SLC7A14: variants seen among roughly 807,000 people sequenced by gnomAD.
The protein encoded by SLC7A14 is gamma-aminobutyric acid transporter SLC7A14.
SLC7A14 carries 37 observed loss-of-function variants against 60.2 expected under a neutral mutation model. The observed-to-expected ratio is 0.61, with a 90% CI of 0.47 to 0.81. The LOEUF (loss-of-function observed/expected upper bound fraction) is 0.81, where lower values mean the gene tolerates loss of function less well. SLC7A14 is among the 30% of genes least tolerant of loss of function. The pLI, the probability that SLC7A14 is intolerant of heterozygous loss-of-function variation, is 0.00. For missense variants in SLC7A14, 886 were observed against 982.7 expected, an observed-to-expected ratio of 0.90 and a Z score of 1.32; for synonymous variants, 399 against 395.8, an observed-to-expected ratio of 1.01 and a Z score of -0.10.
At chr3:170,515,638 A>C (rs1037676688) in intron 2 of SLC7A14, among the ~76,000 whole-genome samples, 2 of 148,946 alleles carry the variant, frequency 1.3e-5, no homozygotes, top group Non-Finnish European at 3.0e-5. Flanking sequence ...GTGGGGGGGG[A>C]GTTGAGACAA....
intron 1 of SLC7A14, among the ~76,000 whole-genome samples, chr3:170,530,153 T>C (rs1488438869): frequency 1.3e-5 from 2 of 152,186 alleles, no homozygotes; most frequent in African/African-American, 2.4e-5. Flanking sequence ...CCTAGCAAAC[T>C]AGTACAGGCT....
intron 2 of SLC7A14, among the ~76,000 whole-genome samples, chr3:170,515,095 C>T (rs926068376): frequency 9.9e-5 from 15 of 152,032 alleles, no homozygotes; most frequent in African/African-American, 3.6e-4. Context: ...GGTGGATCAC[C>T]TGAGGTCAGG....
rs750535727 is a variant in SLC7A14, at chr3:170,481,106, C to A, written c.1176G>T (p.Gly392=). 8 of 1,613,978 alleles carry A rather than the reference C, an allele frequency of 5.0e-6. No individual in the cohort carries two copies. In the East Asian group the frequency reaches 1.8e-4, roughly 36 times the overall value. ...ETPVVACIVS[G]FLAALLALLV... ...ACAGTGCGAGGAGCGCTGCCAGGAA[C>A]CCCGACACGATGCAGGCCACCACTG... The change falls in exon 7 of 8, where the codon GGG becomes GGT. Residue 392 remains glycine, a synonymous_variant. Transcript: ENST00000231706.
At chr3:170,578,513 A>G (rs1488028925) in intron 1 of SLC7A14, among the ~76,000 whole-genome samples, 1 of 152,178 alleles carries the variant, frequency 6.6e-6, no homozygotes, top group Non-Finnish European at 1.5e-5. Context: ...GGTAGCACAA[A>G]CTTGTTACCT....
intron 1 of SLC7A14, among the ~76,000 whole-genome samples, chr3:170,541,612 G>T (rs1158221561): frequency 1.3e-5 from 2 of 152,064 alleles, no homozygotes; most frequent in Non-Finnish European, 2.9e-5. Context: ...AAGGTAATGT[G>T]TAATTACATG....
At chr3:170,528,848 G>T (rs1047730684) in intron 1 of SLC7A14, among the ~76,000 whole-genome samples, 1 of 152,084 alleles carries the variant, frequency 6.6e-6, no homozygotes, top group African/African-American at 2.4e-5. Context: ...CGAGAAGGCC[G>T]CTAGAACAAC....
At chr3:170,521,967 C>T (rs1312058075) in intron 2 of SLC7A14, among the ~76,000 whole-genome samples, 1 of 151,714 alleles carries the variant, frequency 6.6e-6, no homozygotes, top group Non-Finnish European at 1.5e-5. Flanking sequence ...TTTAAATAGA[C>T]ACTTTACCAA....
intron 2 of SLC7A14, among the ~76,000 whole-genome samples, chr3:170,521,588 T>C (rs1713339900): frequency 6.6e-6 from 1 of 152,198 alleles, no homozygotes; most frequent in South Asian, 2.1e-4. Context: ...ATATAAGGAA[T>C]GCTTAAAAGT....
In SLC7A14 at chr3:170,471,705, G is replaced by A. The variant is rs538343756; in HGVS notation, c.1994-4328C>T. Among the ~76,000 whole-genome samples, 150 of 152,200 alleles carry A rather than the reference G, an allele frequency of 9.9e-4. 2 individuals carry two copies. The South Asian group carries it at 0.031, about 31-fold the overall frequency. ...ATCATATACTTTTGTAAACTCTTGCGGAGGGCAATCTAATATCTTTTGAGG... is the reference window on the plus strand; with the variant it reads ...ATCATATACTTTTGTAAACTCTTGCAGAGGGCAATCTAATATCTTTTGAGG... On this transcript the variant is annotated intron_variant, in intron 7 of 7. Transcript: ENST00000231706.
rs911095788 is a variant in SLC7A14, at chr3:170,466,935, A to G, written c.*120T>C. ...AGCAAATGACAGGCTATGACTAGGG[A>G]TTGAATTTGGGGAAGGCTGGATTTG... is the stretch of plus-strand genomic sequence containing the variant. On this transcript the variant is annotated 3_prime_UTR_variant, in exon 8 of 8. Coordinates refer to ENST00000231706, the MANE Select transcript of SLC7A14 (RefSeq NM_020949.3). The G allele has an allele frequency of 2.4e-6, 2 of 838,864 alleles. No homozygotes were observed. Among genetic ancestry groups the G allele is most frequent in the Non-Finnish European group, 3.8e-6 (2 of 532,278 alleles). The allele number at this position is 838,864 out of a possible 1,614,324, so 52.0% of individuals were successfully genotyped here.
Position 170,462,125 on chromosome 3 carries a change from A to G in SLC7A14, c.*4930T>C, listed in dbSNP as rs1051312595. On this transcript the variant is annotated 3_prime_UTR_variant, in exon 8 of 8. Coordinates refer to ENST00000231706, the MANE Select transcript of SLC7A14 (RefSeq NM_020949.3). Reference sequence around the variant, plus strand: ...AATAAGACATTCTAATCTGAGATTCATAATTAGGTAAACCTGTGTTTGGCC... The same window carrying G: ...AATAAGACATTCTAATCTGAGATTCGTAATTAGGTAAACCTGTGTTTGGCC... 2 of 152,214 alleles carry G rather than the reference A, an allele frequency of 1.3e-5. No homozygotes were observed. Among genetic ancestry groups the G allele is most frequent in the Admixed American group, 6.5e-5 (1 of 15,282 alleles). 9.4% of individuals were successfully genotyped at this position (152,214 alleles called of 1,614,324 possible). A position where few individuals can be genotyped will look rare whatever the true frequency, so the allele number is the denominator to read the frequency against.
chr3:170,544,517 A>C (rs1714121064), intron 1 of SLC7A14, among the ~76,000 whole-genome samples: 1 of 152,182 alleles, frequency 6.6e-6, no homozygotes, highest in Non-Finnish European at 1.5e-5. Flanking sequence ...CATGATTTTA[A>C]CTGATTTATA....
chr3:170,481,181 C>T lies in SLC7A14; in HGVS notation c.1116-15G>A, dbSNP rs371194856. 1.1e-5 allele frequency: 18 copies of T among 1,606,054 alleles called. No homozygotes were observed. In the African/African-American group the frequency reaches 2.3e-4, roughly 20 times the overall value. On this transcript the variant is annotated splice_polypyrimidine_tract_variant and intron_variant, in intron 6 of 7. Coordinates refer to ENST00000231706, the MANE Select transcript of SLC7A14 (RefSeq NM_020949.3). ...GAGCCAGGAACCTGGAGGGGCCGGGCAAGCAGAGGGTTAATGGTGAGCTAC... is the reference window on the plus strand; with the variant it reads ...GAGCCAGGAACCTGGAGGGGCCGGGTAAGCAGAGGGTTAATGGTGAGCTAC...
chr3:170,577,180 C>A (rs79917206), intron 1 of SLC7A14, among the ~76,000 whole-genome samples: 5 of 152,190 alleles, frequency 3.3e-5, no homozygotes, highest in African/African-American at 9.7e-5. Context: ...AGATCTATTA[C>A]CCCTATTTTA....
chr3:170,467,823 G>A (rs899156809), intron 7 of SLC7A14, among the ~76,000 whole-genome samples: 7 of 152,144 alleles, frequency 4.6e-5, no homozygotes, highest in Non-Finnish European at 7.4e-5. Context: ...ATCAGCAACA[G>A]TTTATTCCCA....
chr3:170,503,713 T>A (rs1438608735), intron 2 of SLC7A14, among the ~76,000 whole-genome samples: 1 of 152,240 alleles, frequency 6.6e-6, no homozygotes, highest in Non-Finnish European at 1.5e-5. Context: ...AGCCAATATT[T>A]ATGGAATTTG....
At chr3:170,533,081 C>G (rs1206040584) in intron 1 of SLC7A14, among the ~76,000 whole-genome samples, 2 of 152,140 alleles carry the variant, frequency 1.3e-5, no homozygotes, top group Non-Finnish European at 2.9e-5. Context: ...AAAACATGAT[C>G]CCCTTCTGAC....
At chr3:170,552,532 A>G (rs1244587466) in intron 1 of SLC7A14, among the ~76,000 whole-genome samples, 1 of 152,186 alleles carries the variant, frequency 6.6e-6, no homozygotes, top group Non-Finnish European at 1.5e-5. Flanking sequence ...GTCTGGTTGT[A>G]TATTTGAAAG....
chr3:170,459,814 C>T lies in SLC7A14; in HGVS notation c.*7241G>A, dbSNP rs559600765. 10 of 152,008 alleles carry T rather than the reference C, an allele frequency of 6.6e-5. No individual in the cohort carries two copies. The East Asian group carries it at 9.7e-4, about 15-fold the overall frequency. The allele number at this position is 152,008 out of a possible 1,614,324, so 9.4% of individuals were successfully genotyped here. A position where few individuals can be genotyped will look rare whatever the true frequency, so the allele number is the denominator to read the frequency against. On this transcript the variant is annotated 3_prime_UTR_variant, in exon 8 of 8. Coordinates refer to ENST00000231706, the MANE Select transcript of SLC7A14 (RefSeq NM_020949.3). ...TTTCTTTCTTTTTTTTTGGTAGTCT[C>T]GTGTAAAAGCTTTACATTACTATGG... is the stretch of plus-strand genomic sequence containing the variant.
Sources: gnomAD v4.1 joint callset for allele counts (sites outside exome capture counted in the v4.1 genomes callset) on GRCh38, gnomAD v4.1.1 for gene constraint, MANE v1.5 for transcripts, NCBI Gene and HGNC (gene_info 2026-07-23, HGNC 2026-07-21) for gene names.